AKAP6: variants seen among roughly 807,000 people sequenced by gnomAD.
AKAP6 encodes the protein A-kinase anchor protein 6.
AKAP6 carries 58 observed loss-of-function variants against 188.5 expected under a neutral mutation model. The ratio of observed to expected loss-of-function variants is 0.31; its 90% CI spans 0.25 to 0.38. AKAP6 has a LOEUF of 0.38. AKAP6 is among the 10% of genes least tolerant of loss of function. AKAP6 has a pLI of 1.00. For missense variants in AKAP6, 2,710 were observed against 2,740.0 expected (o/e 0.99, Z 0.24); for synonymous variants, 989 against 998.6 (o/e 0.99, Z 0.18).
At chr14:32,428,276 C>T (rs189749777) in intron 1 of AKAP6, among the ~76,000 whole-genome samples, 164 of 152,220 alleles carry the variant, frequency 1.1e-3, no homozygotes, top group Middle Eastern at 0.01. Flanking sequence ...TCCTTTTTCT[C>T]GGTCCACTCA....
intron 8 of AKAP6, among the ~76,000 whole-genome samples, chr14:32,679,394 A>G (rs1269864735): frequency 6.6e-6 from 1 of 152,192 alleles, no homozygotes; most frequent in Non-Finnish European, 1.5e-5. Flanking sequence ...AGACAGCACA[A>G]AGGAGAAACT....
At chr14:32,626,337 T>G (rs1346226446) in intron 7 of AKAP6, among the ~76,000 whole-genome samples, 1 of 152,126 alleles carries the variant, frequency 6.6e-6, no homozygotes, top group Non-Finnish European at 1.5e-5. Flanking sequence ...TCACTGGCTT[T>G]TAATTGGCTC....
At chr14:32,696,229 A>C (rs1797403057) in intron 9 of AKAP6, 119 bp downstream of exon 9, 2 of 1,295,560 alleles carry the variant, frequency 1.5e-6, no homozygotes, top group Non-Finnish European at 2.0e-6. Context: ...GTCTATTAGA[A>C]TTCCCTTCCC....
chr14:32,670,594 G>T (rs1437817657), intron 7 of AKAP6, among the ~76,000 whole-genome samples: 1 of 152,112 alleles, frequency 6.6e-6, no homozygotes, highest in Non-Finnish European at 1.5e-5. Flanking sequence ...AAAAAAGTAG[G>T]GTTTCCTCCC....
At chr14:32,416,011 G>T (rs1014078029) in intron 1 of AKAP6, among the ~76,000 whole-genome samples, 1 of 152,124 alleles carries the variant, frequency 6.6e-6, no homozygotes. Flanking sequence ...GAAGATGGGG[G>T]TACAAATATC....
intron 11 of AKAP6, among the ~76,000 whole-genome samples, chr14:32,755,769 C>T (rs965972725): frequency 6.6e-6 from 1 of 152,154 alleles, no homozygotes; most frequent in Non-Finnish European, 1.5e-5. Flanking sequence ...TCGAGTGATT[C>T]TCCCAAAGTG....
chr14:32,752,419 C>T (rs2032172807), intron 11 of AKAP6, among the ~76,000 whole-genome samples: 1 of 152,010 alleles, frequency 6.6e-6, no homozygotes, highest in Admixed American at 6.6e-5. Flanking sequence ...GGTGATATGC[C>T]CTGAGGGTTT....
intron 13 of AKAP6, 40 bp from the exon 14 acceptor site, chr14:32,829,808 T>G: frequency 1.5e-6 from 1 of 682,292 alleles, no homozygotes; most frequent in Non-Finnish European, 2.7e-6. Flanking sequence ...GAAAAATACA[T>G]TTCTGAAACC....
At chr14:32,474,941 C>G (rs1478927190) in intron 2 of AKAP6, among the ~76,000 whole-genome samples, 1 of 152,166 alleles carries the variant, frequency 6.6e-6, no homozygotes, top group Non-Finnish European at 1.5e-5. Context: ...TTCACTTCCA[C>G]AGCTGTAGCA....
intron 5 of AKAP6, among the ~76,000 whole-genome samples, chr14:32,594,740 A>G (rs1885623219): frequency 6.6e-6 from 1 of 152,170 alleles, no homozygotes; most frequent in Non-Finnish European, 1.5e-5. Context: ...CTGAACACAC[A>G]TTCTTCCTCC....
chr14:32,688,259 G>T (rs898997782), intron 8 of AKAP6, among the ~76,000 whole-genome samples: 5 of 152,068 alleles, frequency 3.3e-5, no homozygotes, highest in African/African-American at 4.8e-5. Flanking sequence ...TGCCGACACG[G>T]ACAATGAGAA....
Position 32,557,996 on chromosome 14 carries a change from A to G in AKAP6, c.2346+10997A>G, listed in dbSNP as rs532011608. On this transcript the variant is annotated intron_variant, in intron 4 of 13. Coordinates refer to ENST00000280979, the MANE Select transcript of AKAP6 (RefSeq NM_004274.5). The stretch of plus-strand genomic sequence containing the variant: ...ATTACCATTCAAACTGGAGCCCTTG[A>G]TCTTTTCAGTGCATTTCTGAATCTT... 2.6e-5 allele frequency among the ~76,000 whole-genome samples: 4 copies of G among 152,268 alleles called. No homozygotes were observed. The East Asian group carries it at 7.7e-4, about 29-fold the overall frequency.
chr14:32,566,926 T>C (rs564520505), intron 4 of AKAP6, among the ~76,000 whole-genome samples: 2 of 152,178 alleles, frequency 1.3e-5, no homozygotes, highest in African/African-American at 4.8e-5. Flanking sequence ...GTCAAGTACT[T>C]AATTTTTTTT....
chr14:32,477,709 C>G lies in AKAP6; in HGVS notation c.324+43892C>G, dbSNP rs550907140. Among the ~76,000 whole-genome samples the G allele has an allele frequency of 2.4e-4, 37 of 152,248 alleles. 1 individual carries two copies. In the South Asian group the frequency reaches 7.7e-3, roughly 32 times the overall value. On this transcript the variant is annotated intron_variant, in intron 2 of 13. Coordinates refer to ENST00000280979, the MANE Select transcript of AKAP6 (RefSeq NM_004274.5). The stretch of plus-strand genomic sequence containing the variant: ...TAGCCAGATCTTTTCAGTAATGAAG[C>G]ATTTTTCTTTATAGCAATCTTGCTA...
At chr14:32,792,165 G>C (rs1156988002) in intron 12 of AKAP6, among the ~76,000 whole-genome samples, 1 of 152,100 alleles carries the variant, frequency 6.6e-6, no homozygotes, top group Non-Finnish European at 1.5e-5. Flanking sequence ...AAGAAATTCA[G>C]TGGTAGCTTC....
chr14:32,750,088 G>A (rs1383540820), intron 11 of AKAP6, among the ~76,000 whole-genome samples: 1 of 152,062 alleles, frequency 6.6e-6, no homozygotes, highest in Admixed American at 6.6e-5. Flanking sequence ...TTTCATTTAG[G>A]CACTGGGCTG....
intron 7 of AKAP6, among the ~76,000 whole-genome samples, chr14:32,677,577 C>G (rs532739242): frequency 6.6e-6 from 1 of 152,104 alleles, no homozygotes; most frequent in Non-Finnish European, 1.5e-5. Context: ...TTCTAGGGAA[C>G]CTGAAAGCCA....
intron 2 of AKAP6, among the ~76,000 whole-genome samples, chr14:32,443,747 C>T (rs558199320): frequency 1.6e-4 from 24 of 152,178 alleles, no homozygotes; most frequent in Admixed American, 8.5e-4. Context: ...AGTCAGTATA[C>T]GCAAAGGGAA....
At chr14:32,698,836 G>A (rs1208688825) in intron 9 of AKAP6, among the ~76,000 whole-genome samples, 1 of 152,114 alleles carries the variant, frequency 6.6e-6, no homozygotes, top group Non-Finnish European at 1.5e-5. Flanking sequence ...TAGTATTAAC[G>A]AAAAGGATGA....
Sources: allele counts gnomAD v4.1 joint callset (sites outside exome capture counted in the v4.1 genomes callset), GRCh38; gene constraint gnomAD v4.1.1; transcripts MANE v1.5; gene names NCBI Gene and HGNC (gene_info 2026-07-23, HGNC 2026-07-21).